Variants in GLB1 observed in about 807,000 individuals in gnomAD.
GLB1 encodes beta-galactosidase.
GLB1 carries 56 observed loss-of-function variants against 74.0 expected under a neutral mutation model. The observed-to-expected ratio is 0.76, with a 90% CI of 0.61 to 0.94. GLB1 has a LOEUF of 0.94. Ranked by LOEUF, GLB1 falls within the 40% of genes least tolerant of loss-of-function variation. GLB1 has a pLI of 0.00. For synonymous variants in GLB1, 323 were observed against 323.6 expected (o/e 1.00, Z 0.02); for missense variants, 787 against 845.5 (o/e 0.93, Z 0.86).
intron 1 of GLB1, among the ~76,000 whole-genome samples, chr3:33,080,955 G>C (rs1434677009): frequency 6.6e-6 from 1 of 152,190 alleles, no homozygotes; most frequent in East Asian, 1.9e-4. Context: ...ACGCCTCAAA[G>C]ACAAATACCA....
At chr3:33,001,767 G>T in intron 15 of GLB1, among the ~76,000 whole-genome samples, 1 of 152,252 alleles carries the variant, frequency 6.6e-6, no homozygotes, top group East Asian at 1.9e-4. Flanking sequence ...GAAAAGATTC[G>T]TTGAAGAGGT....
the GLB1 span, among the ~76,000 whole-genome samples, chr3:32,973,394 T>C: frequency 5.9e-3 from 901 of 152,180 alleles, 8 homozygotes; most frequent in Admixed American, 0.029. Context: ...TGTGCAGTGG[T>C]GCAATCTTGG....
In GLB1 at chr3:33,093,621, G is replaced by C; in HGVS notation, c.75+3390C>G. On this transcript the variant is annotated intron_variant, in intron 1 of 15. Coordinates refer to ENST00000307363, the MANE Select transcript of GLB1 (RefSeq NM_000404.4). The surrounding 1 kb of genome is among the most constrained non-coding windows in gnomAD (Gnocchi z 6.0). ...CAGCTGATGGATGGGCACCTCCACA[G>C]TTTTCACAGCCGGGGGCTGCGCGGC... The C allele has an allele frequency of 1.2e-6, 2 of 1,614,178 alleles. No homozygotes were observed. The highest frequency in any genetic ancestry group is 2.2e-5 in the East Asian group (1 of 44,882).
At chr3:33,096,482 C>G (rs1420469567) in intron 1 of GLB1, 8 of 984,884 alleles carry the variant, frequency 8.1e-6, no homozygotes, top group African/African-American at 1.8e-5. Context: ...GGGCAGGCGA[C>G]GGGGAGTGGT....
At chr3:33,061,428 A>C (rs1224632325) in intron 5 of GLB1, among the ~76,000 whole-genome samples, 1 of 151,986 alleles carries the variant, frequency 6.6e-6, no homozygotes, top group African/African-American at 2.4e-5. Context: ...AACAAACAAA[A>C]AACCACCAGA....
At position 33,097,139 on chromosome 3, in the gene GLB1, A is replaced by T; in HGVS notation, c.-54T>A. On this transcript the variant is annotated 5_prime_UTR_variant, in exon 1 of 16. Transcript: ENST00000307363. ...GCGCCCAGGCCGGCCGCTTCGCGTC[A>T]CTTGACTAAGGACCCACGGCCTGGC... 3 of 1,600,782 alleles carry T rather than the reference A, an allele frequency of 1.9e-6. No homozygotes were observed. Among genetic ancestry groups the T allele is most frequent in the Non-Finnish European group, 2.6e-6 (3 of 1,173,334 alleles).
At chr3:33,095,521 A>C (rs75219872) in intron 1 of GLB1, among the ~76,000 whole-genome samples, 1 of 152,316 alleles carries the variant, frequency 6.6e-6, no homozygotes, top group African/African-American at 2.4e-5. Context: ...TGGGCACAGA[A>C]GCCCAAGAGG....
intron 15 of GLB1, among the ~76,000 whole-genome samples, chr3:32,998,597 AAG>A (rs1346291682): frequency 3.3e-5 from 5 of 152,172 alleles, no homozygotes; most frequent in African/African-American, 1.2e-4. Context: ...ATTACAAAGA[AAG>A]AAAGTGAAGA....
intron 3 of GLB1, 42 bp from the exon 4 acceptor site, chr3:33,068,332 A>T: frequency 6.2e-7 from 1 of 1,613,144 alleles, no homozygotes; most frequent in South Asian, 1.1e-5. Context: ...CTGTTCCGTG[A>T]AGGGTGCTCA....
intron 1 of GLB1, chr3:33,092,249 AG>A: frequency 1.0e-6 from 1 of 985,788 alleles, no homozygotes; most frequent in Non-Finnish European, 1.2e-6. Context: ...GCATTCCAGT[AG>A]ATTTTGCTGA....
chr3:33,093,279 T>C lies in GLB1; in HGVS notation c.75+3732A>G. ...ACGTTGGGCCCGTGTGGCGGAAATC[T>C]TCACGTTCTCATTATGAAGAGGCTG... On this transcript the variant is annotated intron_variant, in intron 1 of 15. Coordinates refer to ENST00000307363, the MANE Select transcript of GLB1 (RefSeq NM_000404.4). This position sits in a 1 kb window ranked among gnomAD's most constrained non-coding sequence, Gnocchi z 6.0. 6.2e-7 allele frequency: 1 copy of C among 1,614,110 alleles called. No homozygotes were observed. Among genetic ancestry groups the C allele is most frequent in the Non-Finnish European group, 8.5e-7 (1 of 1,180,014 alleles).
intron 10 of GLB1, among the ~76,000 whole-genome samples, chr3:33,041,317 C>A (rs910261923): frequency 6.6e-6 from 1 of 152,262 alleles, no homozygotes; most frequent in East Asian, 1.9e-4. Context: ...TCAGCAGCAA[C>A]AATAAAAGCC....
chr3:33,056,692 T>G (rs1209801235), intron 6 of GLB1, among the ~76,000 whole-genome samples: 1 of 152,206 alleles, frequency 6.6e-6, no homozygotes, highest in Non-Finnish European at 1.5e-5. Flanking sequence ...TTTTACTAGA[T>G]ATACACTATC....
At chr3:33,014,959 T>G (rs977711351) in intron 14 of GLB1, among the ~76,000 whole-genome samples, 1 of 152,074 alleles carries the variant, frequency 6.6e-6, no homozygotes, top group African/African-American at 2.4e-5. Context: ...AGAGCGACAC[T>G]CCATCTCAAA....
At chr3:33,033,185 A>C (rs1698127016) in intron 10 of GLB1, among the ~76,000 whole-genome samples, 1 of 152,238 alleles carries the variant, frequency 6.6e-6, no homozygotes. Flanking sequence ...CAGCCCCGGA[A>C]GTACATGGGT....
At chr3:33,068,992 C>T in intron 2 of GLB1, 22 bp from the exon 3 acceptor site, 1 of 1,614,174 alleles carries the variant, frequency 6.2e-7, no homozygotes, top group Non-Finnish European at 8.5e-7. Flanking sequence ...CACACAGCCC[C>T]TTCCTGGATA....
chr3:33,027,451 C>T (rs1480135128), intron 10 of GLB1, among the ~76,000 whole-genome samples: 3 of 152,216 alleles, frequency 2.0e-5, no homozygotes, highest in Non-Finnish European at 4.4e-5. Context: ...CCAGTGGGCC[C>T]GAGCAAAACT....
chr3:33,058,184 T>A lies in GLB1; in HGVS notation c.638A>T (p.Asp213Val), dbSNP rs771487519. 6.2e-7 allele frequency: 1 copy of A among 1,613,866 alleles called. No individual in the cohort carries two copies. Among genetic ancestry groups the A allele is most frequent in the South Asian group, 1.1e-5 (1 of 91,056 alleles). Residue 213 changes from aspartate to valine, a missense_variant, in exon 6 of 16, where the codon GAT (aspartate) becomes GTT (valine). Coordinates refer to ENST00000307363, the MANE Select transcript of GLB1 (RefSeq NM_000404.4). ...ATCAGTGGTAAACAGAACCACATCA[T>A]CCCCCAGATGGTGGCGAAAGCGCTT... ...LQKRFRHHLG[D>V]DVVLFTTDGA... is the part of the protein sequence containing the mutation.
intron 2 of GLB1, 100 bp from the exon 3 acceptor site, chr3:33,069,070 T>C (rs913710058): frequency 1.9e-6 from 3 of 1,598,374 alleles, no homozygotes; most frequent in Non-Finnish European, 1.7e-6. Flanking sequence ...AACACATGGA[T>C]AAGAGGGAGA....
Sources: allele counts gnomAD v4.1 joint callset (sites outside exome capture counted in the v4.1 genomes callset), GRCh38; gene constraint gnomAD v4.1.1; non-coding constraint Gnocchi (gnomAD v3.1); transcripts MANE v1.5; gene names NCBI Gene and HGNC (gene_info 2026-07-23, HGNC 2026-07-21).